CADPS2: variants seen among roughly 807,000 people sequenced by gnomAD.
CADPS2 encodes calcium-dependent secretion activator 2.
In CADPS2, 93 loss-of-function variants were observed where a neutral mutation model predicts 172.5. The ratio of observed to expected loss-of-function variants is 0.54; its 90% CI spans 0.46 to 0.64. The LOEUF (loss-of-function observed/expected upper bound fraction) is 0.64, where lower values mean the gene tolerates loss of function less well. CADPS2 is among the 30% of genes least tolerant of loss of function. The pLI, the probability that CADPS2 is intolerant of heterozygous loss-of-function variation, is 0.00. For missense variants in CADPS2, 1,420 were observed against 1,565.9 expected, an observed-to-expected ratio of 0.91 and a Z score of 1.57; for synonymous variants, 546 against 555.2, an observed-to-expected ratio of 0.98 and a Z score of 0.23.
At chr7:122,494,348 T>C (rs1368938914) in intron 9 of CADPS2, among the ~76,000 whole-genome samples, 2 of 152,224 alleles carry the variant, frequency 1.3e-5, no homozygotes, top group African/African-American at 2.4e-5. Flanking sequence ...ATATGCATTG[T>C]GTTCACTGCA....
At chr7:122,846,081 C>G in intron 1 of CADPS2, among the ~76,000 whole-genome samples, 1 of 152,170 alleles carries the variant, frequency 6.6e-6, no homozygotes, top group East Asian at 1.9e-4. Context: ...AATTCTAAAA[C>G]ATTTATTGTA....
intron 9 of CADPS2, among the ~76,000 whole-genome samples, chr7:122,509,527 T>G (rs1040801881): frequency 6.6e-6 from 1 of 152,200 alleles, no homozygotes; most frequent in Non-Finnish European, 1.5e-5. Context: ...AGGACTCAAA[T>G]TATACCATCA....
intron 2 of CADPS2, among the ~76,000 whole-genome samples, chr7:122,692,179 C>G (rs1362846198): frequency 1.3e-5 from 2 of 152,142 alleles, no homozygotes; most frequent in East Asian, 3.9e-4. Flanking sequence ...ATGACTTGCA[C>G]TAAGTCTGTA....
intron 22 of CADPS2, 68 bp downstream of exon 22, chr7:122,393,128 T>C (rs1245440072): frequency 1.9e-6 from 3 of 1,565,654 alleles, no homozygotes; most frequent in African/African-American, 2.7e-5. Flanking sequence ...TAAACACATC[T>C]GCGCAGAACA....
At chr7:122,698,771 T>G in intron 2 of CADPS2, 1 of 1,613,882 alleles carries the variant, frequency 6.2e-7, no homozygotes, top group South Asian at 1.1e-5. Flanking sequence ...AACACATGAT[T>G]CCCAACATGA....
intron 8 of CADPS2, among the ~76,000 whole-genome samples, chr7:122,549,488 G>A (rs367680702): frequency 3.3e-5 from 5 of 152,112 alleles, no homozygotes; most frequent in South Asian, 4.2e-4. Context: ...AGGTGTGGTG[G>A]TGCATGCCTG....
chr7:122,437,805 A>G (rs996046933), intron 17 of CADPS2, among the ~76,000 whole-genome samples: 2 of 131,836 alleles, frequency 1.5e-5, no homozygotes, highest in Non-Finnish European at 3.4e-5. Context: ...AAGCCTGAAG[A>G]AAGAAAAAAA....
At position 122,554,563 on chromosome 7, in the gene CADPS2, T is replaced by TCC; in HGVS notation, c.1461_1462insGG (p.Met488GlyfsTer2). The TCC allele has an allele frequency of 6.3e-7, 1 of 1,599,044 alleles. No homozygotes were observed. The highest frequency in any genetic ancestry group is 8.5e-7 in the Non-Finnish European group (1 of 1,174,874). On this transcript the variant is annotated frameshift_variant, in exon 8 of 30. Coordinates refer to ENST00000449022, the MANE Select transcript of CADPS2 (RefSeq NM_017954.11). LOFTEE classifies it high-confidence loss of function. The stretch of plus-strand genomic sequence containing the variant: ...ATTTATACTCACCCACTATGCTTCA[T>TCC]ATGTGCTGGTTTATCCATTCGCACT...
At chr7:122,689,483 T>C (rs189591056) in intron 2 of CADPS2, among the ~76,000 whole-genome samples, 97 of 152,336 alleles carry the variant, frequency 6.4e-4, no homozygotes, top group African/African-American at 2.3e-3. Flanking sequence ...TAATGACACC[T>C]GCTCCAGGAA....
intron 1 of CADPS2, among the ~76,000 whole-genome samples, chr7:122,752,412 A>C (rs1206117236): frequency 6.6e-6 from 1 of 152,208 alleles, no homozygotes; most frequent in Non-Finnish European, 1.5e-5. Context: ...CCTGGATAAC[A>C]CTGTGAAATT....
chr7:122,721,079 T>C (rs897716111), intron 2 of CADPS2, among the ~76,000 whole-genome samples: 1 of 152,050 alleles, frequency 6.6e-6, no homozygotes, highest in Non-Finnish European at 1.5e-5. Flanking sequence ...TCAAGTCCTC[T>C]AGGTTTGCTC....
At chr7:122,832,101 T>C (rs1349729351) in intron 1 of CADPS2, among the ~76,000 whole-genome samples, 1 of 152,194 alleles carries the variant, frequency 6.6e-6, no homozygotes, top group Non-Finnish European at 1.5e-5. Context: ...ATTGTCAAGA[T>C]ACATGGATGA....
chr7:122,444,333 G>C (rs2051820052), intron 15 of CADPS2, among the ~76,000 whole-genome samples: 1 of 152,138 alleles, frequency 6.6e-6, no homozygotes, highest in Non-Finnish European at 1.5e-5. Context: ...CCTAGGAATG[G>C]AATGGCTGGG....
At chr7:122,450,748 T>C (rs190565854) in intron 15 of CADPS2, among the ~76,000 whole-genome samples, 17 of 152,162 alleles carry the variant, frequency 1.1e-4, no homozygotes, top group African/African-American at 3.1e-4. Context: ...TTGCCCTGTC[T>C]GGTCTTGAAC....
In CADPS2 at chr7:122,832,543, T is replaced by C. The variant is rs543532740; in HGVS notation, c.339+53456A>G. The stretch of plus-strand genomic sequence containing the variant: ...CTAGTCTTCCATCTGCATTAAATAA[T>C]GGTAGAATACAACTAGACCTCCTCT... On this transcript the variant is annotated intron_variant, in intron 1 of 29. Coordinates refer to ENST00000449022, the MANE Select transcript of CADPS2 (RefSeq NM_017954.11). 9.9e-5 allele frequency among the ~76,000 whole-genome samples: 15 copies of C among 152,194 alleles called. 1 individual carries two copies. Among genetic ancestry groups the C allele is most frequent in the Non-Finnish European group, 1.6e-4 (11 of 68,046 alleles).
At chr7:122,677,484 G>A (rs1229958176) in intron 2 of CADPS2, among the ~76,000 whole-genome samples, 1 of 152,134 alleles carries the variant, frequency 6.6e-6, no homozygotes, top group Non-Finnish European at 1.5e-5. Context: ...AAGTGCTCTG[G>A]TCTTTATCCC....
chr7:122,368,978 G>A (rs1004665377), intron 25 of CADPS2, among the ~76,000 whole-genome samples: 2 of 152,132 alleles, frequency 1.3e-5, no homozygotes, highest in Non-Finnish European at 2.9e-5. Flanking sequence ...CTTTTCTGAT[G>A]ATCCCACACT....
intron 7 of CADPS2, among the ~76,000 whole-genome samples, chr7:122,569,387 C>A (rs1266083902): frequency 2.0e-5 from 3 of 151,906 alleles, no homozygotes; most frequent in African/African-American, 7.3e-5. Context: ...AAAGAAGATA[C>A]AAACAAATGG....
chr7:122,380,351 G>C (rs557225830), intron 24 of CADPS2, among the ~76,000 whole-genome samples: 1 of 152,066 alleles, frequency 6.6e-6, no homozygotes, highest in African/African-American at 2.4e-5. Context: ...ATGGTTCAAG[G>C]CTTCTTGGAA....
Sources: allele counts gnomAD v4.1 joint callset (sites outside exome capture counted in the v4.1 genomes callset), GRCh38; gene constraint gnomAD v4.1.1; transcripts MANE v1.5; gene names NCBI Gene and HGNC (gene_info 2026-07-23, HGNC 2026-07-21).